Variants in CPNE4 observed in about 807,000 individuals in gnomAD.
CPNE4 encodes the protein copine 4.
A neutral mutation model predicts 67.9 loss-of-function variants in CPNE4; 25 were observed. That is an observed-to-expected ratio of 0.37 (90% CI 0.27 to 0.51). The LOEUF (loss-of-function observed/expected upper bound fraction) is 0.51, where lower values mean the gene tolerates loss of function less well. Ranked by LOEUF, CPNE4 falls within the 20% of genes least tolerant of loss-of-function variation. CPNE4 has a pLI of 0.93. For missense variants in CPNE4, 464 were observed against 690.8 expected (o/e 0.67, Z 3.68); for synonymous variants, 242 against 244.9 (o/e 0.99, Z 0.11).
At chr3:131,692,529 G>C (rs925827421) in intron 5 of CPNE4, among the ~76,000 whole-genome samples, 9 of 152,126 alleles carry the variant, frequency 5.9e-5, no homozygotes, top group African/African-American at 1.9e-4. Flanking sequence ...AGCCAAATCT[G>C]GCTTACTGTT....
At chr3:131,557,051 C>T (rs1293756911) in intron 11 of CPNE4, among the ~76,000 whole-genome samples, 1 of 151,992 alleles carries the variant, frequency 6.6e-6, no homozygotes, top group Non-Finnish European at 1.5e-5. Context: ...TTCTGTTATA[C>T]CATTATAATT....
At chr3:131,721,561 AT>A (rs757872288) in intron 3 of CPNE4, among the ~76,000 whole-genome samples, 3 of 151,722 alleles carry the variant, frequency 2.0e-5, no homozygotes, top group Admixed American at 1.3e-4. Context: ...ACACCCGGCT[AT>A]TTTTTTGTAT....
chr3:131,975,962 T>C (rs1191119630), intron 1 of CPNE4, among the ~76,000 whole-genome samples: 1 of 151,862 alleles, frequency 6.6e-6, no homozygotes, highest in African/African-American at 2.4e-5. Flanking sequence ...TGCGGTAAAA[T>C]AGATAACATA....
chr3:131,718,761 AG>A (rs971082870), intron 3 of CPNE4, among the ~76,000 whole-genome samples: 1 of 152,226 alleles, frequency 6.6e-6, no homozygotes, highest in Non-Finnish European at 1.5e-5. Context: ...TTTCTGAGGC[AG>A]GGCCTCTGTC....
chr3:131,776,401 G>T (rs1174700085), intron 2 of CPNE4, among the ~76,000 whole-genome samples: 1 of 152,084 alleles, frequency 6.6e-6, no homozygotes, highest in African/African-American at 2.4e-5. Flanking sequence ...CACTGTCTGA[G>T]GAACTTCCAA....
intron 7 of CPNE4, among the ~76,000 whole-genome samples, chr3:131,623,932 C>T (rs1443650920): frequency 6.6e-6 from 1 of 152,106 alleles, no homozygotes; most frequent in African/African-American, 2.4e-5. Context: ...TGAGGCATTA[C>T]CCGATGTGGG....
chr3:131,659,605 A>G lies in CPNE4; in HGVS notation c.681+10070T>C, dbSNP rs116115437. ...GTTTTCCAAAGATGACTTTTTCAAA[A>G]ACATTTTTTAAAAAAATCAAAGACA... On this transcript the variant is annotated intron_variant, in intron 7 of 15. Transcript: ENST00000429747. 3.6e-3 allele frequency among the ~76,000 whole-genome samples: 550 copies of G among 152,316 alleles called. 5 individuals carry two copies. Among genetic ancestry groups the G allele is most frequent in the African/African-American group, 0.013 (523 of 41,568 alleles).
intron 12 of CPNE4, among the ~76,000 whole-genome samples, chr3:131,555,085 C>T (rs1355441265): frequency 6.6e-6 from 1 of 151,988 alleles, no homozygotes; most frequent in Non-Finnish European, 1.5e-5. Context: ...GACTTGGACT[C>T]GGAGACTTGG....
At chr3:131,708,518 T>C (rs1477156184) in intron 3 of CPNE4, among the ~76,000 whole-genome samples, 1 of 151,490 alleles carries the variant, frequency 6.6e-6, no homozygotes. Context: ...AAGAAAAGGG[T>C]GTGAGAGTGA....
At chr3:131,787,733 C>T (rs547949013) in intron 2 of CPNE4, among the ~76,000 whole-genome samples, 10 of 152,278 alleles carry the variant, frequency 6.6e-5, no homozygotes, top group African/African-American at 2.4e-4. Flanking sequence ...CTCTTACTTC[C>T]ATCTTGTGTA....
intron 1 of CPNE4, among the ~76,000 whole-genome samples, chr3:131,969,567 G>GA (rs1222564838): frequency 6.6e-6 from 1 of 152,010 alleles, no homozygotes; most frequent in Non-Finnish European, 1.5e-5. Flanking sequence ...GCTGTTTTCT[G>GA]ATTTTTTTTC....
Position 131,698,250 on chromosome 3 carries a change from A to G in CPNE4, c.433-1634T>C, listed in dbSNP as rs1489513558. On this transcript the variant is annotated intron_variant, in intron 4 of 15. Coordinates refer to ENST00000429747, the MANE Select transcript of CPNE4 (RefSeq NM_130808.3). ...CTCTGTCTCAAAAAAAAAAAAAAAA[A>G]AAAGAAAGAAAAGAAAAAGATCAAA... is the stretch of plus-strand genomic sequence containing the variant. Among the ~76,000 whole-genome samples, 21 of 141,086 alleles carry G rather than the reference A, an allele frequency of 1.5e-4. 1 individual carries two copies. The highest frequency in any genetic ancestry group is 5.9e-4 in the East Asian group (3 of 5,126). 92.6% of individuals were successfully genotyped at this position (141,086 alleles called of 152,430 possible).
At chr3:131,700,429 T>C (rs1002719740) in intron 3 of CPNE4, among the ~76,000 whole-genome samples, 2 of 152,158 alleles carry the variant, frequency 1.3e-5, no homozygotes, top group African/African-American at 4.8e-5. Context: ...CTATTTTTAA[T>C]ATATTCATTA....
intron 14 of CPNE4, among the ~76,000 whole-genome samples, chr3:131,545,284 C>T (rs1399510984): frequency 1.3e-5 from 2 of 152,140 alleles, no homozygotes; most frequent in African/African-American, 4.8e-5. Flanking sequence ...CCATTCTCAG[C>T]TTGCAAGCCA....
intron 1 of CPNE4, among the ~76,000 whole-genome samples, chr3:132,000,003 C>A (rs2073389438): frequency 6.6e-6 from 1 of 151,272 alleles, no homozygotes; most frequent in African/African-American, 2.4e-5. Flanking sequence ...ATTGATTTAG[C>A]AACAACATTC....
chr3:131,978,069 ATATATATAAATATATATAAAT>A (rs1405746938), intron 1 of CPNE4, among the ~76,000 whole-genome samples: 5 of 30,580 alleles, frequency 1.6e-4, no homozygotes, highest in Admixed American at 9.5e-4. Context: ...ATATATATAA[ATATATATAAATATATATAAAT>A]ATATATATAA....
intron 1 of CPNE4, among the ~76,000 whole-genome samples, chr3:131,966,116 A>G (rs2072336043): frequency 6.6e-6 from 1 of 152,234 alleles, no homozygotes; most frequent in South Asian, 2.1e-4. Flanking sequence ...CTACTCCTGA[A>G]TGACTACTGA....
chr3:131,898,951 G>A (rs2088445075), intron 2 of CPNE4, among the ~76,000 whole-genome samples: 1 of 152,028 alleles, frequency 6.6e-6, no homozygotes, highest in South Asian at 2.1e-4. Context: ...CAAACTTTGT[G>A]AACAAGTGAA....
At chr3:131,738,861 T>C (rs1405210228) in intron 2 of CPNE4, among the ~76,000 whole-genome samples, 1 of 150,958 alleles carries the variant, frequency 6.6e-6, no homozygotes, top group South Asian at 2.1e-4. Context: ...TTTCTTTTTT[T>C]TTTTTTTCTT....
Sources: gnomAD v4.1 joint callset for allele counts (sites outside exome capture counted in the v4.1 genomes callset) on GRCh38, gnomAD v4.1.1 for gene constraint, MANE v1.5 for transcripts, NCBI Gene and HGNC (gene_info 2026-07-23, HGNC 2026-07-21) for gene names.